Variants in FANCA observed in about 807,000 individuals in gnomAD.
FANCA encodes FA complementation group A, also known as Fanconi anemia group A protein.
In FANCA, 236 loss-of-function variants were observed where a neutral mutation model predicts 194.3. The ratio of observed to expected loss-of-function variants is 1.21; its 90% CI spans 1.09 to 1.35. FANCA has a LOEUF of 1.35. Among genes scored for constraint, FANCA ranks in the 40% most tolerant of loss-of-function variants. FANCA has a pLI of 0.00. For synonymous variants in FANCA, 1,014 were observed against 715.8 expected, an observed-to-expected ratio of 1.42 and a Z score of -6.65; for missense variants, 2,628 against 1,813.9, an observed-to-expected ratio of 1.45 and a Z score of -8.15.
chr16:89,784,978 A>G lies in FANCA; in HGVS notation c.1360-14T>C. ...CCCAAAGGAGGCCTGTGTGGAGAGA[A>G]GAGCGTGAAGCCCAGGACAGCCAGG... On this transcript the variant is annotated splice_polypyrimidine_tract_variant and intron_variant, in intron 14 of 42. Coordinates refer to ENST00000389301, the MANE Select transcript of FANCA (RefSeq NM_000135.4). 1 of 1,598,856 alleles carries G rather than the reference A, an allele frequency of 6.3e-7. No individual in the cohort carries two copies. Among genetic ancestry groups the G allele is most frequent in the African/African-American group, 1.4e-5 (1 of 73,956 alleles).
At chr16:89,794,546 A>C (rs1356776728) in intron 11 of FANCA, among the ~76,000 whole-genome samples, 2 of 152,170 alleles carry the variant, frequency 1.3e-5, no homozygotes, top group Non-Finnish European at 2.9e-5. Flanking sequence ...AAAAAAATAA[A>C]TAAATACATA....
At chr16:89,815,057 TGA>T (rs2041050155) in intron 2 of FANCA, among the ~76,000 whole-genome samples, 1 of 152,196 alleles carries the variant, frequency 6.6e-6, no homozygotes, top group African/African-American at 2.4e-5. Context: ...TTTTCTTTTT[TGA>T]GAGGGAGTCT....
chr16:89,741,325 C>G (rs886505530), intron 37 of FANCA, among the ~76,000 whole-genome samples: 4 of 152,222 alleles, frequency 2.6e-5, no homozygotes, highest in African/African-American at 9.6e-5. Flanking sequence ...ACTAAAATCC[C>G]TTCTAACAAA....
At chr16:89,790,287 G>A (rs1034628844) in intron 14 of FANCA, among the ~76,000 whole-genome samples, 5 of 151,446 alleles carry the variant, frequency 3.3e-5, no homozygotes, top group Admixed American at 1.3e-4. Flanking sequence ...CCAGCTACTC[G>A]GGAGGCGGAG....
At chr16:89,744,841 A>T (rs571268607) in intron 36 of FANCA, 118 bp downstream of exon 36, 26 of 924,470 alleles carry the variant, frequency 2.8e-5, no homozygotes, top group Non-Finnish European at 4.4e-5. Flanking sequence ...CTCCCTGCTC[A>T]CACGAGAGGC....
chr16:89,740,172 A>G, intron 38 of FANCA, 73 bp from the exon 39 acceptor site: 2 of 1,138,400 alleles, frequency 1.8e-6, no homozygotes, highest in Non-Finnish European at 2.7e-6. Flanking sequence ...TACAGCCCTC[A>G]GCACAGAAGA....
At chr16:89,809,577 C>T (rs1031847470) in intron 5 of FANCA, among the ~76,000 whole-genome samples, 22 of 152,000 alleles carry the variant, frequency 1.4e-4, no homozygotes, top group Admixed American at 9.8e-4. Flanking sequence ...GGGCAGGGCG[C>T]GGTGACTCAC....
chr16:89,757,925 G>A (rs776112783), intron 30 of FANCA, among the ~76,000 whole-genome samples: 7 of 151,932 alleles, frequency 4.6e-5, no homozygotes, highest in South Asian at 4.2e-4. Context: ...TCGCCCAGTC[G>A]GCTCACTGCA....
At chr16:89,752,290 C>T in intron 30 of FANCA, 68 bp from the exon 31 acceptor site, 1 of 1,282,278 alleles carries the variant, frequency 7.8e-7, no homozygotes. Context: ...CAGTTCTCCT[C>T]CTGCCTCCGG....
chr16:89,749,609 T>G (rs1598076317), intron 32 of FANCA, 121 bp downstream of exon 32: 1 of 1,237,624 alleles, frequency 8.1e-7, no homozygotes. Context: ...AGGCTTGGGG[T>G]GGGGACACAC....
intron 41 of FANCA, 50 bp downstream of exon 41, chr16:89,739,083 C>T (rs752700058): frequency 3.1e-6 from 5 of 1,613,800 alleles, no homozygotes; most frequent in African/African-American, 1.3e-5. Flanking sequence ...CAGAAGGAGC[C>T]TCCGGCTGGG....
At chr16:89,746,436 T>C in intron 35 of FANCA, 148 bp downstream of exon 35, 1 of 718,752 alleles carries the variant, frequency 1.4e-6, no homozygotes, top group Non-Finnish European at 2.5e-6. Context: ...TGAGCTGGCA[T>C]CTTTAACTGT....
rs755351504 is a variant in FANCA at position 89,814,633 on chromosome 16, A to G, written c.190-20T>C. 48 of 1,581,828 alleles carry G rather than the reference A, an allele frequency of 3.0e-5. No homozygotes were observed. Among genetic ancestry groups the G allele is most frequent in the Non-Finnish European group, 3.6e-5 (42 of 1,150,966 alleles). ...TTCTACCTAGAATCCAAAACACAAC[A>G]AACTCCATTTAAAAAATTCAAGCTC... On this transcript the variant is annotated intron_variant, in intron 2 of 42. Transcript: ENST00000389301.
chr16:89,801,365 A>G (rs1045257453), intron 8 of FANCA, among the ~76,000 whole-genome samples: 2 of 150,226 alleles, frequency 1.3e-5, no homozygotes, highest in African/African-American at 4.9e-5. Context: ...AAAAAAAGCC[A>G]ATGTCACTAA....
intron 36 of FANCA, among the ~76,000 whole-genome samples, 195 bp from the exon 37 acceptor site, chr16:89,743,133 G>GC (rs1287961788): frequency 6.6e-6 from 1 of 152,204 alleles, no homozygotes; most frequent in Non-Finnish European, 1.5e-5. Flanking sequence ...TGCTGGTGCT[G>GC]CCCCCACAGC....
At chr16:89,814,171 T>C (rs1048760760) in intron 3 of FANCA, among the ~76,000 whole-genome samples, 24 of 152,200 alleles carry the variant, frequency 1.6e-4, no homozygotes, top group African/African-American at 5.8e-4. Context: ...AGGAGGTACC[T>C]AGAAAATTGT....
At chr16:89,750,934 C>T (rs2038567499) in intron 31 of FANCA, among the ~76,000 whole-genome samples, 1 of 152,134 alleles carries the variant, frequency 6.6e-6, no homozygotes, top group African/African-American at 2.4e-5. Context: ...GTCCGGTTGC[C>T]CAGGCTGGAG....
intron 1 of FANCA, 181 bp from the exon 2 acceptor site, chr16:89,816,167 C>A (rs769997205): frequency 1.5e-6 from 1 of 650,032 alleles, no homozygotes; most frequent in South Asian, 1.5e-5. Flanking sequence ...CCGCGGACGC[C>A]GGGGAAGACG....
Position 89,773,229 on chromosome 16 carries a change from C to A in FANCA, c.2014+42G>T, listed in dbSNP as rs1800339. 110,120 of 1,455,952 alleles carry A rather than the reference C, an allele frequency of 0.076. 5,041 individuals are homozygous for A. The highest frequency in any genetic ancestry group is 0.17 in the East Asian group (6,684 of 40,454). 90.2% of individuals were successfully genotyped at this position (1,455,952 alleles called of 1,614,324 possible). ...CCAGCCACAGAGCTCCAACCACAGG[C>A]TGCACACATGAGACACAGCATGAGC... On this transcript the variant is annotated intron_variant, in intron 22 of 42. Coordinates refer to ENST00000389301, the MANE Select transcript of FANCA (RefSeq NM_000135.4).
Sources: gnomAD v4.1 joint callset for allele counts (sites outside exome capture counted in the v4.1 genomes callset) on GRCh38, gnomAD v4.1.1 for gene constraint, MANE v1.5 for transcripts, NCBI Gene and HGNC (gene_info 2026-07-23, HGNC 2026-07-21) for gene names.